Variants in PLA2G4C observed in about 807,000 individuals in gnomAD.
The protein encoded by PLA2G4C is cytosolic phospholipase A2 gamma.
In PLA2G4C, 64 loss-of-function variants were observed where a neutral mutation model predicts 73.8. That is an observed-to-expected ratio of 0.87 (90% CI 0.71 to 1.07). The LOEUF (loss-of-function observed/expected upper bound fraction) is 1.07, where lower values mean the gene tolerates loss of function less well. Among genes scored for constraint, PLA2G4C ranks in the 50% least tolerant of loss-of-function variants. The pLI, the probability that PLA2G4C is intolerant of heterozygous loss-of-function variation, is 0.00. For synonymous variants in PLA2G4C, 254 were observed against 252.1 expected (o/e 1.01, Z -0.07); for missense variants, 622 against 665.4 (o/e 0.93, Z 0.72).
chr19:48,105,270 G>A (rs2032117313), intron 3 of PLA2G4C, 63 bp downstream of exon 3: 2 of 1,108,598 alleles, frequency 1.8e-6, no homozygotes, highest in South Asian at 1.3e-5. Flanking sequence ...GTTGGGCCCT[G>A]GACACTGGGC....
chr19:48,082,988 T>C (rs2030701663), intron 10 of PLA2G4C, among the ~76,000 whole-genome samples: 1 of 151,808 alleles, frequency 6.6e-6, no homozygotes, highest in Non-Finnish European at 1.5e-5. Context: ...TAATTTTTTG[T>C]ATTTTTTAGT....
At chr19:48,077,684 C>T (rs985193506) in intron 11 of PLA2G4C, 87 bp downstream of exon 11, 27 of 986,008 alleles carry the variant, frequency 2.7e-5, no homozygotes, top group Admixed American at 4.8e-5. Flanking sequence ...GAATCAGACA[C>T]GTAAAGTTTT....
At chr19:48,053,652 C>T (rs995814926) in intron 15 of PLA2G4C, among the ~76,000 whole-genome samples, 4 of 146,834 alleles carry the variant, frequency 2.7e-5, no homozygotes, top group East Asian at 1.9e-4. Flanking sequence ...GGATTACAGG[C>T]GTGAGCCACC....
At chr19:48,076,032 A>G (rs1049269857) in intron 11 of PLA2G4C, among the ~76,000 whole-genome samples, 11 of 152,232 alleles carry the variant, frequency 7.2e-5, no homozygotes, top group African/African-American at 2.7e-4. Context: ...ATCCAACCCT[A>G]CTGGTACTCT....
intron 12 of PLA2G4C, among the ~76,000 whole-genome samples, chr19:48,071,798 C>T (rs1186105900): frequency 6.6e-6 from 1 of 152,030 alleles, no homozygotes; most frequent in African/African-American, 2.4e-5. Flanking sequence ...AAGATGAGGT[C>T]TCACAGTGTT....
At position 48,110,519 on chromosome 19, in the gene PLA2G4C, C is replaced by CGGTGGAGCTTGT; in HGVS notation, c.-77_-66dup. Reference sequence around the variant, plus strand: ...TGGGTCTGGGGCGTGTGCGCATGCGCGGTGGAGCTTGTGCTCCGGAATCCG... The same window carrying CGGTGGAGCTTGT: ...TGGGTCTGGGGCGTGTGCGCATGCGCGGTGGAGCTTGTGGTGGAGCTTGTGCTCCGGAATCCG... On this transcript the variant is annotated 5_prime_UTR_variant, in exon 1 of 17. Coordinates refer to ENST00000599921, the MANE Select transcript of PLA2G4C (RefSeq NM_003706.3). 5.1e-6 allele frequency: 5 copies of CGGTGGAGCTTGT among 982,710 alleles called. No individual in the cohort carries two copies. Among genetic ancestry groups the CGGTGGAGCTTGT allele is most frequent in the Non-Finnish European group, 6.3e-6 (5 of 790,340 alleles). 60.9% of individuals were successfully genotyped at this position (982,710 alleles called of 1,614,324 possible). A position where few individuals can be genotyped will look rare whatever the true frequency, so the allele number is the denominator to read the frequency against.
rs189203240 is a variant in PLA2G4C at position 48,070,962 on chromosome 19, G to A, written c.1007-3076C>T. 1.4e-4 allele frequency among the ~76,000 whole-genome samples: 21 copies of A among 152,248 alleles called. No individual in the cohort carries two copies. The East Asian group carries it at 3.9e-3, about 28-fold the overall frequency. The stretch of plus-strand genomic sequence containing the variant: ...CTGTTGGCCTGCCCCATGGATTTTG[G>A]ACTTGTCATCTTCACAATCCCATGA... On this transcript the variant is annotated intron_variant, in intron 12 of 16. Transcript: ENST00000599921.
At position 48,110,493 on chromosome 19, in the gene PLA2G4C, C is replaced by T. The variant is rs746854383; in HGVS notation, c.-39G>A. 1 of 1,270,190 alleles carries T rather than the reference C, an allele frequency of 7.9e-7. No individual in the cohort carries two copies. 78.7% of individuals were successfully genotyped at this position (1,270,190 alleles called of 1,614,324 possible). A position where few individuals can be genotyped will look rare whatever the true frequency, so the allele number is the denominator to read the frequency against. ...CCCTGCCCCCACGGCTTGCCTGAGCCTGGGTCTGGGGCGTGTGCGCATGCG... is the reference window on the plus strand; with the variant it reads ...CCCTGCCCCCACGGCTTGCCTGAGCTTGGGTCTGGGGCGTGTGCGCATGCG... On this transcript the variant is annotated 5_prime_UTR_variant, in exon 1 of 17. Coordinates refer to ENST00000599921, the MANE Select transcript of PLA2G4C (RefSeq NM_003706.3).
intron 4 of PLA2G4C, 60 bp from the exon 5 acceptor site, chr19:48,099,920 G>T: frequency 8.0e-7 from 1 of 1,244,904 alleles, no homozygotes; most frequent in Non-Finnish European, 1.2e-6. Flanking sequence ...GAAGACTGGG[G>T]AAAGATGTGT....
At position 48,054,912 on chromosome 19, in the gene PLA2G4C, C is replaced by A; in HGVS notation, c.1395G>T (p.Met465Ile). The change falls in exon 15 of 17, where the codon ATG becomes ATT. Residue 465 changes from methionine to isoleucine, a missense_variant. Coordinates refer to ENST00000599921, the MANE Select transcript of PLA2G4C (RefSeq NM_003706.3). ...CATCTATGTTGAACAGGGGAAAATG[C>A]ATCACCACTGGTCCAGTTTCTCCTT... Reference protein sequence around the residue: ...ILKGETGPVVMHFPLFNIDAC... With the variant: ...ILKGETGPVVIHFPLFNIDAC... 6.2e-7 allele frequency: 1 copy of A among 1,614,014 alleles called. No homozygotes were observed.
intron 12 of PLA2G4C, chr19:48,074,562 G>A (rs1033434106): frequency 1.6e-5 from 9 of 572,606 alleles, no homozygotes; most frequent in African/African-American, 1.5e-4. Flanking sequence ...ATTCCACACT[G>A]TCTCCTACAA....
chr19:48,099,126 G>A (rs2031768919), intron 5 of PLA2G4C, among the ~76,000 whole-genome samples: 1 of 151,152 alleles, frequency 6.6e-6, no homozygotes, highest in African/African-American at 2.4e-5. Context: ...AAATTAGCCA[G>A]GCACGATGGT....
chr19:48,105,300 G>A lies in PLA2G4C; in HGVS notation c.120+33C>T, dbSNP rs373841147. The A allele has an allele frequency of 6.1e-6, 9 of 1,476,234 alleles. No individual in the cohort carries two copies. The South Asian group carries it at 9.3e-5, about 15-fold the overall frequency. 91.4% of individuals were successfully genotyped at this position (1,476,234 alleles called of 1,614,324 possible). A position where few individuals can be genotyped will look rare whatever the true frequency, so the allele number is the denominator to read the frequency against. On this transcript the variant is annotated intron_variant, in intron 3 of 16. Transcript: ENST00000599921. Reference sequence around the variant, plus strand: ...CTGGGCACAGAGGGGGCGATTCTGGGATCTCTGGGGCCACCCTCCTCCCCT... The same window carrying A: ...CTGGGCACAGAGGGGGCGATTCTGGAATCTCTGGGGCCACCCTCCTCCCCT...
At chr19:48,104,128 C>T (rs365571) in intron 4 of PLA2G4C, 27,724 of 157,152 alleles carry the variant, frequency 0.18, 5,132 homozygotes, top group African/African-American at 0.47. Flanking sequence ...GGGTCTCAAA[C>T]TCCTAGACTC....
At chr19:48,083,634 A>C (rs1314356512) in intron 10 of PLA2G4C, among the ~76,000 whole-genome samples, 19 of 151,300 alleles carry the variant, frequency 1.3e-4, no homozygotes, top group Non-Finnish European at 2.7e-4. Flanking sequence ...TTTAGTAGAG[A>C]TGGGGTTTCT....
intron 4 of PLA2G4C, among the ~76,000 whole-genome samples, chr19:48,101,126 A>ATATATATATAT (rs1491313107): frequency 1.2e-4 from 9 of 74,132 alleles, no homozygotes; most frequent in South Asian, 4.4e-4. Context: ...ATATATATAT[A>ATATATATATAT]TTTTTTTTTT....
In PLA2G4C at chr19:48,055,069, A is replaced by T. The variant is rs1568421482; in HGVS notation, c.1258-20T>A. ...GATGGTCTGAGAAGGAGGCAATAAG[A>T]AATGGTTGCAAGACCTCTCCAGAAG... On this transcript the variant is annotated intron_variant, in intron 14 of 16. Coordinates refer to ENST00000599921, the MANE Select transcript of PLA2G4C (RefSeq NM_003706.3). 6.3e-7 allele frequency: 1 copy of T among 1,578,184 alleles called. No individual in the cohort carries two copies. Among genetic ancestry groups the T allele is most frequent in the East Asian group, 2.2e-5 (1 of 44,646 alleles).
Position 48,102,723 on chromosome 19 carries a change from A to G in PLA2G4C, c.257+1865T>C, listed in dbSNP as rs558877865. ...TTGACTCTGATGAGGCCTTTCTCCC[A>G]TCGTGCTCTCATTTTCCTGCCTGTG... On this transcript the variant is annotated intron_variant, in intron 4 of 16. Coordinates refer to ENST00000599921, the MANE Select transcript of PLA2G4C (RefSeq NM_003706.3). 2.1e-4 allele frequency among the ~76,000 whole-genome samples: 32 copies of G among 152,236 alleles called. No individual in the cohort carries two copies. In the South Asian group the frequency reaches 5.8e-3, roughly 28 times the overall value.
chr19:48,050,824 A>ACCAC (rs1276939472), intron 16 of PLA2G4C, among the ~76,000 whole-genome samples: 1 of 151,228 alleles, frequency 6.6e-6, no homozygotes, highest in Non-Finnish European at 1.5e-5. Flanking sequence ...ACAGGCATAC[A>ACCAC]CCACCATGCC....
Sources: gnomAD v4.1 joint callset for allele counts (sites outside exome capture counted in the v4.1 genomes callset) on GRCh38, gnomAD v4.1.1 for gene constraint, MANE v1.5 for transcripts, NCBI Gene and HGNC (gene_info 2026-07-23, HGNC 2026-07-21) for gene names.